MEF2A: variants seen among roughly 807,000 people sequenced by gnomAD.
MEF2A encodes the protein myocyte-specific enhancer factor 2A.
Under a neutral mutation model 55.8 loss-of-function variants are expected in MEF2A, and 28 were observed. The ratio of observed to expected loss-of-function variants is 0.50; its 90% confidence interval spans 0.37 to 0.69. The LOEUF is 0.69. MEF2A is among the 30% of genes least tolerant of loss of function. MEF2A has a pLI of 0.00. For missense variants in MEF2A, 528 were observed against 626.2 expected (o/e 0.84, Z 1.67); for synonymous variants, 239 against 227.1 (o/e 1.05, Z -0.47).
chr15:99,652,997 C>G (rs1261499872), intron 4 of MEF2A, among the ~76,000 whole-genome samples: 1 of 152,126 alleles, frequency 6.6e-6, no homozygotes, highest in African/African-American at 2.4e-5. Flanking sequence ...GTTAGATACA[C>G]TTCAATATCG....
chr15:99,577,251 A>G (rs1041168825), intron 1 of MEF2A, among the ~76,000 whole-genome samples: 9 of 152,230 alleles, frequency 5.9e-5, no homozygotes, highest in Non-Finnish European at 1.3e-4. Flanking sequence ...TATTGAGTTC[A>G]AATTCTTTGT....
At position 99,689,696 on chromosome 15, in the gene MEF2A, G is replaced by T. The variant is rs112130720; in HGVS notation, c.671-545G>T. Among the ~76,000 whole-genome samples the T allele has an allele frequency of 2.2e-3, 329 of 152,240 alleles. 3 individuals are homozygous for T. Among genetic ancestry groups the T allele is most frequent in the African/African-American group, 7.7e-3 (318 of 41,534 alleles). Reference sequence around the variant, plus strand: ...GGGTTTCAACATGTTGGCCAAGCTGGTCTCAAACACCTGACCTCAAGTGAT... The same window carrying T: ...GGGTTTCAACATGTTGGCCAAGCTGTTCTCAAACACCTGACCTCAAGTGAT... On this transcript the variant is annotated intron_variant, in intron 7 of 11. Transcript: ENST00000557942.
chr15:99,650,271 T>TA (rs759237491), intron 4 of MEF2A, among the ~76,000 whole-genome samples: 12 of 152,182 alleles, frequency 7.9e-5, no homozygotes, highest in Non-Finnish European at 1.5e-4. Context: ...TCTGTGACAT[T>TA]AACCTTTCCC....
chr15:99,703,895 C>T (rs1003688108), intron 9 of MEF2A, among the ~76,000 whole-genome samples: 2 of 152,292 alleles, frequency 1.3e-5, no homozygotes, highest in South Asian at 4.1e-4. Context: ...AAAGGAATGT[C>T]TGTAATTGAA....
At chr15:99,614,139 G>A (rs2153222703) in intron 2 of MEF2A, among the ~76,000 whole-genome samples, 1 of 152,280 alleles carries the variant, frequency 6.6e-6, no homozygotes, top group East Asian at 1.9e-4. Context: ...CTACCTCACA[G>A]GGTTATTGTT....
chr15:99,662,628 A>G (rs1157297042), intron 4 of MEF2A, among the ~76,000 whole-genome samples: 1 of 152,070 alleles, frequency 6.6e-6, no homozygotes, highest in African/African-American at 2.4e-5. Flanking sequence ...GGTGTCTGCC[A>G]CTACGCCCAG....
chr15:99,676,953 T>C (rs1162510003), intron 7 of MEF2A, among the ~76,000 whole-genome samples: 1 of 151,974 alleles, frequency 6.6e-6, no homozygotes, highest in African/African-American at 2.4e-5. Context: ...AAACCCCATC[T>C]CTACTAAAAA....
intron 4 of MEF2A, among the ~76,000 whole-genome samples, chr15:99,646,778 T>A (rs1443644311): frequency 6.6e-6 from 1 of 152,128 alleles, no homozygotes; most frequent in African/African-American, 2.4e-5. Flanking sequence ...CCCCTATACT[T>A]CTTTGCCTTA....
At chr15:99,695,570 T>TGTGTGTG (rs200260929) in intron 8 of MEF2A, among the ~76,000 whole-genome samples, 2 of 151,642 alleles carry the variant, frequency 1.3e-5, no homozygotes, top group African/African-American at 2.4e-5. Flanking sequence ...TGTGTGTGTG[T>TGTGTGTG]TTCTTAAAAA....
In MEF2A at chr15:99,645,602, C is replaced by G. The variant is rs2045837507; in HGVS notation, c.96C>G (p.Ala32=). 1.2e-6 allele frequency: 2 copies of G among 1,613,606 alleles called. No individual in the cohort carries two copies. Among genetic ancestry groups the G allele is most frequent in the Middle Eastern group, 1.7e-4 (1 of 6,022 alleles). ...GAAAGTTTGGATTAATGAAGAAAGC[C>G]TATGAACTTAGTGTGCTCTGTGACT... ...TKRKFGLMKK[A]YELSVLCDCE... Residue 32 remains alanine (A), a synonymous_variant, in exon 4 of 12, where the codon GCC becomes GCG. Transcript: ENST00000557942.
At position 99,710,647 on chromosome 15, in the gene MEF2A, C is replaced by G. The variant is rs373943430; in HGVS notation, c.1023C>G (p.Thr341=). 6 of 1,612,650 alleles carry G rather than the reference C, an allele frequency of 3.7e-6. No homozygotes were observed. In the African/African-American group the frequency reaches 4.0e-5, roughly 11 times the overall value. The change falls in exon 11 of 12, where the codon ACC becomes ACG. Residue 341 remains threonine, a synonymous_variant. Transcript: ENST00000557942. ...PTAYNTDYSL[T]SADLSALQGF... ...CTTCCTTTGTAGATTATTCACTGACCAGCGCTGACCTGTCAGCCCTTCAAG... is the reference window on the plus strand; with the variant it reads ...CTTCCTTTGTAGATTATTCACTGACGAGCGCTGACCTGTCAGCCCTTCAAG...
At chr15:99,672,904 A>G (rs2051154897) in intron 5 of MEF2A, among the ~76,000 whole-genome samples, 2 of 152,196 alleles carry the variant, frequency 1.3e-5, no homozygotes, top group African/African-American at 2.4e-5. Context: ...TCAGCTACCC[A>G]TGTCATAGGT....
chr15:99,617,427 G>T (rs927928929), intron 2 of MEF2A, among the ~76,000 whole-genome samples: 2 of 152,080 alleles, frequency 1.3e-5, no homozygotes, highest in Non-Finnish European at 2.9e-5. Flanking sequence ...AATATAAGAT[G>T]AAATGACAGA....
intron 2 of MEF2A, among the ~76,000 whole-genome samples, chr15:99,629,670 CG>C (rs2042627117): frequency 6.6e-6 from 1 of 151,552 alleles, no homozygotes; most frequent in Non-Finnish European, 1.5e-5. Context: ...GGAAAAAGGC[CG>C]GGGTGGGGGT....
chr15:99,634,807 A>C (rs548388786), intron 3 of MEF2A, among the ~76,000 whole-genome samples: 2 of 152,350 alleles, frequency 1.3e-5, no homozygotes, highest in Admixed American at 1.3e-4. Flanking sequence ...CTTCTTGCCT[A>C]GCTGCCAAAT....
At chr15:99,686,643 C>G (rs545202705) in intron 7 of MEF2A, among the ~76,000 whole-genome samples, 2 of 152,282 alleles carry the variant, frequency 1.3e-5, no homozygotes, top group East Asian at 3.9e-4. Context: ...CCTCTCAGCT[C>G]TTAAGATTCT....
chr15:99,640,443 C>T (rs2044669759), intron 3 of MEF2A, among the ~76,000 whole-genome samples: 1 of 152,070 alleles, frequency 6.6e-6, no homozygotes, highest in African/African-American at 2.4e-5. Context: ...ATCTACCTTA[C>T]CTCACCTTGA....
rs191627898 is a variant in MEF2A, at chr15:99,659,006, C to T, written c.259-12317C>T. On this transcript the variant is annotated intron_variant, in intron 4 of 11. Coordinates refer to ENST00000557942, the MANE Select transcript of MEF2A (RefSeq NM_001319206.4). ...ATATCAGCATCTAGTAGGGTGCTTT[C>T]GATAAATTTTGTTGAATGAAAGAAA... is the stretch of plus-strand genomic sequence containing the variant. Among the ~76,000 whole-genome samples, 165 of 151,622 alleles carry T rather than the reference C, an allele frequency of 1.1e-3. 1 individual carries two copies. The highest frequency in any genetic ancestry group is 2.2e-3 in the Non-Finnish European group (149 of 67,934).
In MEF2A at chr15:99,667,868, A is replaced by G. The variant is rs75485380; in HGVS notation, c.259-3455A>G. ...CAAGGTACAAACCCCCTAGAATCAGATAACTTGGCATGTGCTCTAAACAAT... is the reference window on the plus strand; with the variant it reads ...CAAGGTACAAACCCCCTAGAATCAGGTAACTTGGCATGTGCTCTAAACAAT... On this transcript the variant is annotated intron_variant, in intron 4 of 11. Coordinates refer to ENST00000557942, the MANE Select transcript of MEF2A (RefSeq NM_001319206.4). 6.9e-3 allele frequency among the ~76,000 whole-genome samples: 1,055 copies of G among 152,314 alleles called. 11 individuals carry two copies. The highest frequency in any genetic ancestry group is 0.024 in the African/African-American group (1,002 of 41,570).
Sources: gnomAD v4.1 joint callset for allele counts (sites outside exome capture counted in the v4.1 genomes callset) on GRCh38, gnomAD v4.1.1 for gene constraint, MANE v1.5 for transcripts, NCBI Gene and HGNC (gene_info 2026-07-23, HGNC 2026-07-21) for gene names.